PRDM16: variants seen among roughly 807,000 people sequenced by gnomAD.
PRDM16 encodes histone-lysine N-methyltransferase PRDM16.
A neutral mutation model predicts 110.6 loss-of-function variants in PRDM16; 23 were observed. The observed-to-expected ratio is 0.21, with a 90% CI of 0.15 to 0.29. The LOEUF is 0.29. Among genes scored for constraint, PRDM16 ranks in the 10% least tolerant of loss-of-function variants. The pLI is 1.00. For missense variants in PRDM16, 1,615 were observed against 1,794.3 expected (o/e 0.90, Z 1.81); for synonymous variants, 799 against 781.8 (o/e 1.02, Z -0.37).
chr1:3,340,506 A>G (rs749099976), intron 3 of PRDM16, among the ~76,000 whole-genome samples: 5 of 152,160 alleles, frequency 3.3e-5, no homozygotes, highest in Non-Finnish European at 5.9e-5. Flanking sequence ...GGAAAATAAA[A>G]CAATTATTTT....
intron 12 of PRDM16, among the ~76,000 whole-genome samples, chr1:3,421,072 G>A (rs11579873): frequency 0.086 from 13,064 of 152,276 alleles, 612 homozygotes; most frequent in Non-Finnish European, 0.097. Context: ...TGCTTCCATC[G>A]GGGGCTGCAC....
At chr1:3,168,746 C>T (rs539453584) in intron 1 of PRDM16, among the ~76,000 whole-genome samples, 6 of 152,174 alleles carry the variant, frequency 3.9e-5, no homozygotes, top group South Asian at 4.1e-4. Context: ...AGTGGGGGCC[C>T]GTGTTTCCCG....
chr1:3,411,750 T>C lies in PRDM16; in HGVS notation c.1553T>C (p.Phe518Ser), dbSNP rs753027800. 9 of 1,611,606 alleles carry C rather than the reference T, an allele frequency of 5.6e-6. No individual in the cohort carries two copies. The highest frequency in any genetic ancestry group is 7.6e-6 in the Non-Finnish European group (9 of 1,179,222). The change falls in exon 9 of 17, where the codon TTC becomes TCC. Residue 518 changes from phenylalanine to serine, a missense_variant. Coordinates refer to ENST00000270722, the MANE Select transcript of PRDM16 (RefSeq NM_022114.4). ...PALTPGFPGI[F>S]PPSLYPRPPL... is the part of the protein sequence containing the mutation. ...CTCACCCCCGGCTTCCCGGGCATCT[T>C]CCCTCCATCCTTGTACCCCCGGCCG...
intron 1 of PRDM16, among the ~76,000 whole-genome samples, chr1:3,161,385 C>G (rs1643895633): frequency 6.6e-6 from 1 of 152,224 alleles, no homozygotes; most frequent in African/African-American, 2.4e-5. Flanking sequence ...TTTCCCACAT[C>G]TTGTCAAAGG....
chr1:3,378,714 G>A (rs1643039999), intron 3 of PRDM16, among the ~76,000 whole-genome samples: 1 of 152,098 alleles, frequency 6.6e-6, no homozygotes. Flanking sequence ...GGCAGGAGGA[G>A]GCAGCGGTCA....
intron 1 of PRDM16, among the ~76,000 whole-genome samples, chr1:3,103,261 C>G (rs1642573173): frequency 6.6e-6 from 1 of 152,200 alleles, no homozygotes; most frequent in Admixed American, 6.5e-5. Context: ...GCTGTTTGCT[C>G]CTGAGGCCCC....
intron 3 of PRDM16, among the ~76,000 whole-genome samples, chr1:3,329,296 T>C (rs952491054): frequency 1.3e-5 from 2 of 152,176 alleles, no homozygotes; most frequent in Non-Finnish European, 2.9e-5. Context: ...GTTGGGGGGC[T>C]GGGGGCCTTT....
intron 2 of PRDM16, among the ~76,000 whole-genome samples, chr1:3,194,948 C>T (rs1435698241): frequency 6.6e-6 from 1 of 152,200 alleles, no homozygotes; most frequent in Non-Finnish European, 1.5e-5. Context: ...GAGAGTTCTG[C>T]GTGAGGCCAG....
chr1:3,228,259 G>A (rs964416415), intron 2 of PRDM16, among the ~76,000 whole-genome samples: 10 of 152,322 alleles, frequency 6.6e-5, no homozygotes, highest in African/African-American at 2.4e-4. Context: ...GTTCACTCGC[G>A]ATAAACGAGA....
intron 3 of PRDM16, among the ~76,000 whole-genome samples, chr1:3,316,030 G>A (rs1240724249): frequency 2.0e-5 from 3 of 152,010 alleles, no homozygotes; most frequent in Non-Finnish European, 4.4e-5. Flanking sequence ...CTTTCAGTTG[G>A]ACAGGGGCTG....
intron 1 of PRDM16, among the ~76,000 whole-genome samples, chr1:3,152,348 T>TCATC (rs70938075): frequency 7.4e-5 from 11 of 149,624 alleles, no homozygotes; most frequent in East Asian, 6.0e-4. Flanking sequence ...ATCTATGCAT[T>TCATC]CATCCATCCA....
At chr1:3,273,902 C>T (rs1048278437) in intron 3 of PRDM16, among the ~76,000 whole-genome samples, 2 of 135,742 alleles carry the variant, frequency 1.5e-5, no homozygotes, top group Admixed American at 7.6e-5. Flanking sequence ...GGTGCGTGTG[C>T]ACGTGTGGCA....
chr1:3,093,106 G>C (rs1642314510), intron 1 of PRDM16, among the ~76,000 whole-genome samples: 1 of 152,198 alleles, frequency 6.6e-6, no homozygotes, highest in Non-Finnish European at 1.5e-5. Flanking sequence ...CTCCTGACCT[G>C]GCTGAGAAGT....
chr1:3,195,457 G>T (rs939299125), intron 2 of PRDM16, among the ~76,000 whole-genome samples: 2 of 152,192 alleles, frequency 1.3e-5, no homozygotes, highest in Non-Finnish European at 2.9e-5. Flanking sequence ...CAGCAGAGGG[G>T]ACTTTCTTTA....
At chr1:3,419,367 C>G (rs770474156) in intron 12 of PRDM16, among the ~76,000 whole-genome samples, 1 of 152,220 alleles carries the variant, frequency 6.6e-6, no homozygotes, top group African/African-American at 2.4e-5. Context: ...AGCAGTCACA[C>G]AGCTCATCGG....
chr1:3,377,017 G>C (rs573638866), intron 3 of PRDM16, among the ~76,000 whole-genome samples: 6 of 152,352 alleles, frequency 3.9e-5, no homozygotes, highest in African/African-American at 9.6e-5. Context: ...TCCATCACAA[G>C]AATGGGCTTT....
chr1:3,237,868 G>A (rs1238509115), intron 2 of PRDM16: 1 of 152,348 alleles, frequency 6.6e-6, no homozygotes, highest in Non-Finnish European at 1.5e-5. Flanking sequence ...TGCAGGTCGA[G>A]AGAAAATCAC....
intron 2 of PRDM16, among the ~76,000 whole-genome samples, chr1:3,218,223 C>A (rs542655924): frequency 7.2e-5 from 11 of 152,250 alleles, no homozygotes; most frequent in Admixed American, 3.3e-4. Flanking sequence ...CTGGTTCGTA[C>A]TTCTCCTCTC....
At chr1:3,200,662 C>G (rs1569832717) in intron 2 of PRDM16, among the ~76,000 whole-genome samples, 1 of 152,310 alleles carries the variant, frequency 6.6e-6, no homozygotes, top group East Asian at 1.9e-4. Flanking sequence ...TTTAAAACAG[C>G]CTGGGAGTCC....
Sources: gnomAD v4.1 joint callset for allele counts (sites outside exome capture counted in the v4.1 genomes callset) on GRCh38, gnomAD v4.1.1 for gene constraint, MANE v1.5 for transcripts, NCBI Gene and HGNC (gene_info 2026-07-23, HGNC 2026-07-21) for gene names.